The following EPHA4 variants were observed in gnomAD, a reference collection of about 807,000 sequenced individuals.
EPHA4 encodes the protein ephrin type-A receptor 4.
Under a neutral mutation model 108.3 loss-of-function variants are expected in EPHA4, and 19 were observed. That is an observed-to-expected ratio of 0.18 (90% CI 0.12 to 0.26). EPHA4 has a LOEUF of 0.26. EPHA4 is among the 10% of genes least tolerant of loss of function. The pLI is 1.00. For synonymous variants in EPHA4, 449 were observed against 455.5 expected (o/e 0.99, Z 0.18); for missense variants, 917 against 1,254.0 (o/e 0.73, Z 4.06).
chr2:221,472,061 T>A (rs1271495640), intron 5 of EPHA4, among the ~76,000 whole-genome samples: 1 of 152,126 alleles, frequency 6.6e-6, no homozygotes, highest in Middle Eastern at 3.2e-3. Context: ...ATGAGCCTCA[T>A]CAATAATTTT....
chr2:221,520,240 G>C (rs1184752044), intron 3 of EPHA4, among the ~76,000 whole-genome samples: 4 of 151,948 alleles, frequency 2.6e-5, no homozygotes, highest in African/African-American at 9.7e-5. Flanking sequence ...ACCAGACAGA[G>C]TACCAGTTGT....
chr2:221,418,462 G>A lies in EPHA4; in HGVS notation c.*2910C>T, dbSNP rs897177898. The A allele has an allele frequency of 6.6e-6, 1 of 152,562 alleles. No individual in the cohort carries two copies. Among genetic ancestry groups the A allele is most frequent in the Non-Finnish European group, 1.5e-5 (1 of 68,040 alleles). The allele number at this position is 152,562 out of a possible 1,614,324, so 9.5% of individuals were successfully genotyped here. ...TATTGCTTCTAGAACTTTCCTTTAT[G>A]GGTCAGAATTTAAGTGTCTTCAGAC... On this transcript the variant is annotated 3_prime_UTR_variant, in exon 18 of 18. Transcript: ENST00000281821.
intron 13 of EPHA4, among the ~76,000 whole-genome samples, chr2:221,434,603 G>A (rs1274099154): frequency 2.0e-5 from 3 of 152,156 alleles, no homozygotes; most frequent in South Asian, 2.1e-4. Context: ...TGTTATCTAC[G>A]GGGTATCAGT....
chr2:221,437,876 T>C (rs1178241023), intron 11 of EPHA4, among the ~76,000 whole-genome samples: 1 of 137,770 alleles, frequency 7.3e-6, no homozygotes, highest in Non-Finnish European at 1.5e-5. Context: ...TGAGCCGAGA[T>C]TGCGTCATTA....
intron 17 of EPHA4, among the ~76,000 whole-genome samples, chr2:221,424,527 T>C (rs1183280765): frequency 6.6e-6 from 1 of 151,468 alleles, no homozygotes; most frequent in South Asian, 2.1e-4. Flanking sequence ...CAAAGTTATG[T>C]CCTTTGTTTC....
intron 8 of EPHA4, among the ~76,000 whole-genome samples, chr2:221,449,996 T>C (rs3821030): frequency 0.06 from 9,181 of 152,296 alleles, 575 homozygotes; most frequent in African/African-American, 0.15. Flanking sequence ...GAATGATGTC[T>C]AAATGGTGTT....
chr2:221,535,889 G>C (rs772053129), intron 3 of EPHA4, among the ~76,000 whole-genome samples: 39 of 152,096 alleles, frequency 2.6e-4, no homozygotes, highest in Non-Finnish European at 4.3e-4. Flanking sequence ...TCTGATGAAC[G>C]AGCCAGGGGT....
In EPHA4 at chr2:221,482,642, G is replaced by A; in HGVS notation, c.1028C>T (p.Ser343Phe). The A allele has an allele frequency of 6.2e-7, 1 of 1,605,862 alleles. No individual in the cohort carries two copies. Among genetic ancestry groups the A allele is most frequent in the Non-Finnish European group, 8.5e-7 (1 of 1,172,910 alleles). Residue 343 changes from serine to phenylalanine, a missense_variant, in exon 5 of 18, where the codon TCT becomes TTT. Physicochemically the swap from Ser to Phe is radical, Grantham distance 155 (BLOSUM62 -2). Transcript: ENST00000281821. Reference protein sequence around the residue: ...LNLISNVNETSVNLEWSSPQN... With the variant: ...LNLISNVNETFVNLEWSSPQN... ...AGGGCTACTCCATTCCAAGTTCACA[G>A]ATGTCTCGTTGACATTTGAAATCAA...
intron 11 of EPHA4, among the ~76,000 whole-genome samples, chr2:221,439,533 G>A (rs1690351029): frequency 6.6e-6 from 1 of 150,922 alleles, no homozygotes; most frequent in Admixed American, 6.6e-5. Flanking sequence ...TGTGGCCCAA[G>A]CTAGAGTACA....
intron 5 of EPHA4, among the ~76,000 whole-genome samples, chr2:221,470,576 C>T (rs1691450457): frequency 6.8e-6 from 1 of 147,052 alleles, no homozygotes; most frequent in Non-Finnish European, 1.5e-5. Flanking sequence ...CTTTAGGGAA[C>T]CTCTGCTTTT....
chr2:221,427,800 A>T (rs910779003), intron 15 of EPHA4, among the ~76,000 whole-genome samples: 7 of 152,226 alleles, frequency 4.6e-5, no homozygotes, highest in Non-Finnish European at 1.0e-4. Context: ...TTTTCTACAT[A>T]GCAGAATTAA....
chr2:221,548,338 T>A (rs1694061533), intron 3 of EPHA4, among the ~76,000 whole-genome samples: 1 of 151,122 alleles, frequency 6.6e-6, no homozygotes, highest in Non-Finnish European at 1.5e-5. Flanking sequence ...CACTCCAGCC[T>A]GGCGACAGAG....
At chr2:221,498,790 C>CTTTTT (rs757231773) in intron 4 of EPHA4, among the ~76,000 whole-genome samples, 1 of 135,668 alleles carries the variant, frequency 7.4e-6, no homozygotes. Flanking sequence ...TTTTTTTTTT[C>CTTTTT]TTTTTTTTTT....
chr2:221,500,755 C>T (rs899904742), intron 4 of EPHA4, among the ~76,000 whole-genome samples: 1 of 152,210 alleles, frequency 6.6e-6, no homozygotes, highest in African/African-American at 2.4e-5. Flanking sequence ...GCTCTAATTA[C>T]ACTGTCAGAC....
Position 221,564,016 on chromosome 2 carries a change from C to A in EPHA4, c.538G>T (p.Gly180Trp), listed in dbSNP as rs1168636665. 1.2e-6 allele frequency: 2 copies of A among 1,613,808 alleles called. No homozygotes were observed. The highest frequency in any genetic ancestry group is 1.7e-6 in the Non-Finnish European group (2 of 1,179,998). The change falls in exon 3 of 18, where the codon GGG becomes TGG. Residue 180 changes from glycine to tryptophan, a missense_variant. By Grantham distance (184) the Gly-to-Trp change is radical. Transcript: ENST00000281821. ...ACATCCTGAAAAGCCAGGTAAAACC[C>A]CTTTTTGCTTAATGGCCCTACATCC... ...IRDVGPLSKKGFYLAFQDVGA... is the reference protein window; with the variant it reads ...IRDVGPLSKKWFYLAFQDVGA...
intron 4 of EPHA4, among the ~76,000 whole-genome samples, chr2:221,485,699 C>A (rs571944417): frequency 6.6e-6 from 1 of 151,866 alleles, no homozygotes; most frequent in South Asian, 2.1e-4. Context: ...TTTTGTTTCC[C>A]TGCCAATTAA....
chr2:221,531,243 G>T (rs1693503570), intron 3 of EPHA4, among the ~76,000 whole-genome samples: 1 of 152,088 alleles, frequency 6.6e-6, no homozygotes, highest in African/African-American at 2.4e-5. Flanking sequence ...TGTTTATACT[G>T]GTAGGTTTAT....
intron 5 of EPHA4, among the ~76,000 whole-genome samples, chr2:221,464,171 C>A (rs1185143093): frequency 6.6e-6 from 1 of 152,140 alleles, no homozygotes; most frequent in Non-Finnish European, 1.5e-5. Flanking sequence ...TCCCCAGGAT[C>A]TGGATTTAAA....
chr2:221,459,090 C>T (rs1225319960), intron 5 of EPHA4, among the ~76,000 whole-genome samples: 1 of 152,150 alleles, frequency 6.6e-6, no homozygotes, highest in Non-Finnish European at 1.5e-5. Context: ...AAGTGAAATA[C>T]ATTGTCACTG....
Sources: allele counts gnomAD v4.1 joint callset (sites outside exome capture counted in the v4.1 genomes callset), GRCh38; gene constraint gnomAD v4.1.1; transcripts MANE v1.5; gene names NCBI Gene and HGNC (gene_info 2026-07-23, HGNC 2026-07-21).